TASP1: variants seen among roughly 807,000 people sequenced by gnomAD.
The protein encoded by TASP1 is threonine aspartase 1.
TASP1 carries 16 observed loss-of-function variants against 56.6 expected under a neutral mutation model. That is an observed-to-expected ratio of 0.28 (90% CI 0.19 to 0.43). TASP1 has a LOEUF of 0.43. TASP1 is among the 20% of genes least tolerant of loss of function. TASP1 has a pLI of 1.00. For synonymous variants in TASP1, 179 were observed against 184.2 expected (o/e 0.97, Z 0.23); for missense variants, 393 against 511.6 (o/e 0.77, Z 2.24).
At chr20:13,558,970 CT>C (rs1241587881) in intron 8 of TASP1, 37 bp downstream of exon 8, 1 of 1,297,152 alleles carries the variant, frequency 7.7e-7, no homozygotes, top group African/African-American at 1.5e-5. Flanking sequence ...GATATATCAT[CT>C]GATACATTAA....
intron 11 of TASP1, among the ~76,000 whole-genome samples, chr20:13,447,365 C>T (rs547812468): frequency 3.8e-4 from 58 of 152,198 alleles, no homozygotes; most frequent in Admixed American, 9.8e-4. Context: ...GTGGCATACA[C>T]AACTGTTTGC....
the TASP1 span, among the ~76,000 whole-genome samples, chr20:13,352,028 C>T: frequency 6.6e-6 from 1 of 152,190 alleles, no homozygotes; most frequent in Non-Finnish European, 1.5e-5. Context: ...TTGGGCAGCG[C>T]ACCCACAGAA....
At chr20:13,531,718 C>T (rs117015821) in intron 9 of TASP1, among the ~76,000 whole-genome samples, 3,548 of 152,174 alleles carry the variant, frequency 0.023, 63 homozygotes, top group South Asian at 0.068. Context: ...CGCTGGAGTG[C>T]AGTAGCGAGA....
intron 12 of TASP1, among the ~76,000 whole-genome samples, chr20:13,421,878 C>A (rs2042446133): frequency 6.6e-6 from 1 of 151,908 alleles, no homozygotes; most frequent in African/African-American, 2.4e-5. Context: ...GGCTAAGTTC[C>A]TGCAAATCTC....
chr20:13,393,777 C>T (rs1433312472), intron 13 of TASP1: 4 of 610,856 alleles, frequency 6.5e-6, no homozygotes, highest in Admixed American at 2.5e-5. Flanking sequence ...CACTGAGAAT[C>T]TCCCCTCCTC....
the TASP1 span, among the ~76,000 whole-genome samples, chr20:13,346,833 G>A: frequency 4.6e-5 from 7 of 152,134 alleles, no homozygotes; most frequent in Non-Finnish European, 8.8e-5. Context: ...TTTCCAGGAG[G>A]GCATTTCAAT....
chr20:13,337,642 T>G, the TASP1 span, among the ~76,000 whole-genome samples: 22 of 152,248 alleles, frequency 1.4e-4, no homozygotes, highest in African/African-American at 5.3e-4. Context: ...ACAGGTTCTA[T>G]TAACTTGGTC....
the TASP1 span, among the ~76,000 whole-genome samples, chr20:13,133,500 G>A: frequency 3.3e-5 from 5 of 152,192 alleles, no homozygotes; most frequent in African/African-American, 9.7e-5. Context: ...TTGGGAGGCT[G>A]TGGTGAGTGG....
intron 11 of TASP1, among the ~76,000 whole-genome samples, chr20:13,438,515 T>C (rs1485861311): frequency 2.0e-5 from 3 of 152,172 alleles, no homozygotes; most frequent in Non-Finnish European, 4.4e-5. Context: ...CAAGATGGAT[T>C]AAAGACTTAA....
the TASP1 span, among the ~76,000 whole-genome samples, chr20:13,361,988 A>C: frequency 1.3e-4 from 19 of 151,030 alleles, no homozygotes; most frequent in South Asian, 1.5e-3. Flanking sequence ...AACCGTATCC[A>C]GGCCATCACC....
chr20:13,202,548 C>T, the TASP1 span, among the ~76,000 whole-genome samples: 1 of 152,188 alleles, frequency 6.6e-6, no homozygotes, highest in Non-Finnish European at 1.5e-5. Context: ...TCATGATTCA[C>T]TGTAAGACAT....
At chr20:13,314,676 C>T in the TASP1 span, among the ~76,000 whole-genome samples, 3 of 152,044 alleles carry the variant, frequency 2.0e-5, no homozygotes, top group African/African-American at 7.2e-5. Flanking sequence ...AAACTCAGAT[C>T]TTCATAAAAA....
At chr20:13,284,081 A>G in the TASP1 span, among the ~76,000 whole-genome samples, 1 of 152,208 alleles carries the variant, frequency 6.6e-6, no homozygotes, top group African/African-American at 2.4e-5. Flanking sequence ...CTCCCTGCCC[A>G]TAAAAAGAGG....
chr20:13,371,763 T>C, the TASP1 span, among the ~76,000 whole-genome samples: 14 of 152,316 alleles, frequency 9.2e-5, no homozygotes, highest in African/African-American at 3.1e-4. Context: ...TATCTGAATA[T>C]TAATGTTGAA....
At chr20:13,484,023 G>A (rs923278627) in intron 10 of TASP1, among the ~76,000 whole-genome samples, 1 of 152,186 alleles carries the variant, frequency 6.6e-6, no homozygotes, top group Non-Finnish European at 1.5e-5. Context: ...CTTCTCAAAA[G>A]AAGACATTTA....
At chr20:13,362,454 G>C in the TASP1 span, among the ~76,000 whole-genome samples, 1 of 143,584 alleles carries the variant, frequency 7.0e-6, no homozygotes, top group South Asian at 2.2e-4. Flanking sequence ...GGCTCATCCT[G>C]GCTCAAAAAG....
chr20:13,228,101 T>G, the TASP1 span, among the ~76,000 whole-genome samples: 37 of 151,456 alleles, frequency 2.4e-4, no homozygotes, highest in African/African-American at 7.5e-4. Context: ...GCCTCCCAAA[T>G]AGCTGGGATT....
chr20:13,462,841 T>A (rs2044105178), intron 11 of TASP1, among the ~76,000 whole-genome samples: 1 of 152,038 alleles, frequency 6.6e-6, no homozygotes. Context: ...ACTTGTACAC[T>A]GAAAACTATA....
chr20:13,311,672 T>C, the TASP1 span, among the ~76,000 whole-genome samples: 1 of 152,318 alleles, frequency 6.6e-6, no homozygotes, highest in African/African-American at 2.4e-5. Context: ...TGTTTAGTGA[T>C]ATAAGTCAGG....
Sources: allele counts gnomAD v4.1 joint callset (sites outside exome capture counted in the v4.1 genomes callset), GRCh38; gene constraint gnomAD v4.1.1; transcripts MANE v1.5; gene names NCBI Gene and HGNC (gene_info 2026-07-23, HGNC 2026-07-21).